HHAT: variants seen among roughly 807,000 people sequenced by gnomAD.
HHAT encodes the protein hedgehog acyltransferase, also known as protein-cysteine N-palmitoyltransferase HHAT.
Under a neutral mutation model 70.8 loss-of-function variants are expected in HHAT, and 47 were observed. That is an observed-to-expected ratio of 0.66 (90% CI 0.53 to 0.85). The LOEUF (loss-of-function observed/expected upper bound fraction) is 0.85. Ranked by LOEUF, HHAT falls within the 40% of genes least tolerant of loss-of-function variation. The pLI, the probability that HHAT is intolerant of heterozygous loss-of-function variation, is 0.00. For synonymous variants in HHAT, 228 were observed against 247.6 expected, an observed-to-expected ratio of 0.92 and a Z score of 0.74; for missense variants, 609 against 604.8, an observed-to-expected ratio of 1.01 and a Z score of -0.07.
At position 210,508,451 on chromosome 1, in the gene HHAT, TA is replaced by T. The variant is rs750933822; in HGVS notation, c.1008-4698del. On this transcript the variant is annotated intron_variant, in intron 8 of 11. Transcript: ENST00000261458. ...TTAAGTAATGATGAAATAACATTTT[TA>T]AAATATCACATAAATTTAAATAACA... Among the ~76,000 whole-genome samples, 127 of 152,206 alleles carry T rather than the reference TA, an allele frequency of 8.3e-4. 1 individual carries two copies. Among genetic ancestry groups the T allele is most frequent in the Admixed American group, 1.2e-3 (19 of 15,278 alleles).
intron 9 of HHAT, among the ~76,000 whole-genome samples, chr1:210,574,370 T>C (rs1657133350): frequency 6.6e-6 from 1 of 152,188 alleles, no homozygotes; most frequent in Admixed American, 6.5e-5. Context: ...GAATCTATTT[T>C]GGAGACTGAT....
intron 9 of HHAT, among the ~76,000 whole-genome samples, chr1:210,546,200 G>A (rs2095481952): frequency 6.6e-6 from 1 of 152,196 alleles, no homozygotes; most frequent in Non-Finnish European, 1.5e-5. Flanking sequence ...GGGCCTTGGA[G>A]ACATAAAAAT....
chr1:210,586,931 A>C (rs1660575063), intron 9 of HHAT, among the ~76,000 whole-genome samples: 1 of 152,152 alleles, frequency 6.6e-6, no homozygotes, highest in Non-Finnish European at 1.5e-5. Flanking sequence ...ACAGCTATGC[A>C]TTTTGTCTGG....
At chr1:210,529,030 C>T (rs1414643624) in intron 9 of HHAT, among the ~76,000 whole-genome samples, 1 of 152,086 alleles carries the variant, frequency 6.6e-6, no homozygotes, top group Non-Finnish European at 1.5e-5. Flanking sequence ...TAAGGCTGGG[C>T]GTGGTGGCTC....
intron 2 of HHAT, among the ~76,000 whole-genome samples, chr1:210,359,672 A>G (rs1294945515): frequency 1.3e-5 from 2 of 152,158 alleles, no homozygotes; most frequent in South Asian, 2.1e-4. Context: ...AGCCTGACCA[A>G]CATGGGGTTT....
At chr1:210,576,717 T>A (rs1657856112) in intron 9 of HHAT, among the ~76,000 whole-genome samples, 3 of 152,226 alleles carry the variant, frequency 2.0e-5, no homozygotes. Flanking sequence ...TGATTTTCCT[T>A]GAATGAAGTA....
rs566921523 is a variant in HHAT at position 210,391,873 on chromosome 1, T to C, written c.273+4292T>C. 1.9e-4 allele frequency among the ~76,000 whole-genome samples: 29 copies of C among 152,170 alleles called. No individual in the cohort carries two copies. The East Asian group carries it at 2.7e-3, about 14-fold the overall frequency. ...ACAGCCACCAGTGCTATGTGATTTT[T>C]TTTTCCCCCCTTTACAGACAGGATC... On this transcript the variant is annotated intron_variant, in intron 4 of 11. Transcript: ENST00000261458.
In HHAT at chr1:210,551,282, C is replaced by A. The variant is rs150711400; in HGVS notation, c.1044-36616C>A. Among the ~76,000 whole-genome samples, 364 of 148,820 alleles carry A rather than the reference C, an allele frequency of 2.4e-3. 24 individuals are homozygous for A. Among genetic ancestry groups the A allele is most frequent in the African/African-American group, 8.3e-3 (334 of 40,202 alleles). On this transcript the variant is annotated intron_variant, in intron 9 of 11. Transcript: ENST00000261458. ...AGAGAGGGGATGTCCCAGCGGCGAG[C>A]AAAAGCAGAATCCTTAGCACCCCCG...
intron 8 of HHAT, among the ~76,000 whole-genome samples, chr1:210,508,407 A>G (rs2094899010): frequency 6.6e-6 from 1 of 152,174 alleles, no homozygotes; most frequent in African/African-American, 2.4e-5. Flanking sequence ...ACTTTCTCAT[A>G]TGATACTTAA....
At chr1:210,464,456 A>G (rs2094052379) in intron 7 of HHAT, 49 bp from the exon 8 acceptor site, 1 of 1,608,364 alleles carries the variant, frequency 6.2e-7, no homozygotes, top group Admixed American at 1.7e-5. Context: ...CCTCCAGGAA[A>G]CTGCTGTGAT....
intron 8 of HHAT, among the ~76,000 whole-genome samples, chr1:210,470,720 A>C (rs888889284): frequency 1.3e-5 from 2 of 152,200 alleles, no homozygotes; most frequent in South Asian, 4.1e-4. Flanking sequence ...TGATGTAAGA[A>C]GCACCAGACA....
chr1:210,491,327 C>T (rs1042364434), intron 8 of HHAT, among the ~76,000 whole-genome samples: 4 of 152,110 alleles, frequency 2.6e-5, no homozygotes, highest in African/African-American at 9.7e-5. Flanking sequence ...AAGTCTCTAT[C>T]CAGTCATTGC....
intron 10 of HHAT, among the ~76,000 whole-genome samples, chr1:210,601,014 A>T (rs1259406605): frequency 6.6e-6 from 1 of 152,036 alleles, no homozygotes; most frequent in Non-Finnish European, 1.5e-5. Context: ...CTATTTATAC[A>T]CTTAATTGAG....
At chr1:210,386,542 G>A (rs961355053) in intron 3 of HHAT, among the ~76,000 whole-genome samples, 4 of 152,082 alleles carry the variant, frequency 2.6e-5, no homozygotes, top group Non-Finnish European at 5.9e-5. Flanking sequence ...CCGGCCTGCA[G>A]GAGTCCTTTT....
chr1:210,338,947 A>G (rs2085755436), intron 1 of HHAT, among the ~76,000 whole-genome samples: 1 of 152,150 alleles, frequency 6.6e-6, no homozygotes, highest in Non-Finnish European at 1.5e-5. Flanking sequence ...AGGCAGGAGG[A>G]TCACTTGAGC....
At chr1:210,590,542 CAAAAAAAAAAAAA>C (rs55690211) in intron 10 of HHAT, 7 of 40,594 alleles carry the variant, frequency 1.7e-4, no homozygotes, top group Non-Finnish European at 2.8e-4. Context: ...AGTTCCAGTC[CAAAAAAAAAAAAA>C]AAAAAAAAAG....
chr1:210,651,959 G>C (rs1675257748), intron 11 of HHAT, among the ~76,000 whole-genome samples: 1 of 152,298 alleles, frequency 6.6e-6, no homozygotes, highest in South Asian at 2.1e-4. Context: ...CCCAGAAATG[G>C]TGTGGCTGAG....
chr1:210,440,076 CA>C lies in HHAT; in HGVS notation c.856+21752del, dbSNP rs996155761. On this transcript the variant is annotated intron_variant, in intron 7 of 11. Transcript: ENST00000261458. ...CCAAGAAGGTCCCTGGGTTTCAGTC[CA>C]TACCCTAAGCTGAGAATTTAGGAAT... 1.4e-4 allele frequency among the ~76,000 whole-genome samples: 22 copies of C among 151,762 alleles called. 2 individuals are homozygous for C. The highest frequency in any genetic ancestry group is 5.1e-4 in the African/African-American group (21 of 41,056).
At chr1:210,526,446 A>T (rs2095251294) in intron 9 of HHAT, among the ~76,000 whole-genome samples, 2 of 150,196 alleles carry the variant, frequency 1.3e-5, no homozygotes. Context: ...GGGGGAGCGC[A>T]TGATCTTTAG....
Sources: gnomAD v4.1 joint callset for allele counts (sites outside exome capture counted in the v4.1 genomes callset) on GRCh38, gnomAD v4.1.1 for gene constraint, MANE v1.5 for transcripts, NCBI Gene and HGNC (gene_info 2026-07-23, HGNC 2026-07-21) for gene names.